The following KIF26B variants were observed in gnomAD, a reference collection of about 807,000 sequenced individuals.
The protein encoded by KIF26B is kinesin-like protein KIF26B.
KIF26B carries 63 observed loss-of-function variants against 151.2 expected under a neutral mutation model. That is an observed-to-expected ratio of 0.42 (90% CI 0.34 to 0.51). The LOEUF (loss-of-function observed/expected upper bound fraction) is 0.51, where lower values mean the gene tolerates loss of function less well. Ranked by LOEUF, KIF26B falls within the 20% of genes least tolerant of loss-of-function variation. KIF26B has a pLI of 0.07. For missense variants in KIF26B, 2,813 were observed against 2,913.6 expected (o/e 0.97, Z 0.79); for synonymous variants, 1,357 against 1,262.1 (o/e 1.08, Z -1.59).
At chr1:245,437,161 A>G (rs549856338) in intron 4 of KIF26B, among the ~76,000 whole-genome samples, 6 of 152,308 alleles carry the variant, frequency 3.9e-5, no homozygotes, top group African/African-American at 1.4e-4. Context: ...TGCTGGGATT[A>G]CAGGCATGAG....
chr1:245,700,749 C>A (rs1038166343), intron 14 of KIF26B, among the ~76,000 whole-genome samples: 1 of 152,222 alleles, frequency 6.6e-6, no homozygotes, highest in African/African-American at 2.4e-5. Flanking sequence ...TGAACTAGTC[C>A]TGCGAGGGCC....
intron 4 of KIF26B, among the ~76,000 whole-genome samples, chr1:245,424,389 C>T (rs1238411210): frequency 2.0e-5 from 3 of 152,188 alleles, no homozygotes; most frequent in African/African-American, 7.2e-5. Flanking sequence ...CTCAAGTGAT[C>T]CACCTGCCTT....
At chr1:245,265,366 A>C (rs1370652740) in intron 2 of KIF26B, among the ~76,000 whole-genome samples, 1 of 152,186 alleles carries the variant, frequency 6.6e-6, no homozygotes, top group Non-Finnish European at 1.5e-5. Flanking sequence ...GGTTATGCAG[A>C]TAAACATTGT....
At chr1:245,157,106 C>T (rs1372471821) in intron 2 of KIF26B, among the ~76,000 whole-genome samples, 2 of 152,212 alleles carry the variant, frequency 1.3e-5, no homozygotes, top group Non-Finnish European at 2.9e-5. Context: ...TGGCATTTCC[C>T]ACTGCCTGTT....
intron 5 of KIF26B, among the ~76,000 whole-genome samples, chr1:245,587,804 T>C (rs1452655174): frequency 1.3e-5 from 2 of 152,164 alleles, no homozygotes; most frequent in Non-Finnish European, 2.9e-5. Flanking sequence ...TCCAACTGCA[T>C]TCTGGTCTTG....
chr1:245,336,586 C>A (rs1553348064), intron 2 of KIF26B, among the ~76,000 whole-genome samples: 1 of 152,170 alleles, frequency 6.6e-6, no homozygotes, highest in African/African-American at 2.4e-5. Context: ...TCTGCAGGCT[C>A]GTGCGGCGGC....
chr1:245,439,732 G>A (rs1659022505), intron 4 of KIF26B, among the ~76,000 whole-genome samples: 1 of 152,204 alleles, frequency 6.6e-6, no homozygotes, highest in South Asian at 2.1e-4. Flanking sequence ...TGAGATGATA[G>A]ACTTGGAGAA....
rs143632836 is a variant in KIF26B at position 245,490,906 on chromosome 1, C to G, written c.1167-49861C>G. On this transcript the variant is annotated intron_variant, in intron 4 of 14. Coordinates refer to ENST00000407071, the MANE Select transcript of KIF26B (RefSeq NM_018012.4). ...TTGTGATTTCCGTGTTTGTGAAATA[C>G]ATTAACTCTCCTTATGGTTGGAGAA... Among the ~76,000 whole-genome samples the G allele has an allele frequency of 6.7e-3, 1,020 of 152,316 alleles. 9 individuals carry two copies. The highest frequency in any genetic ancestry group is 0.023 in the African/African-American group (971 of 41,552).
At chr1:245,612,091 TGTGTGTGTGTGTGTGAGA>T (rs973902672) in intron 9 of KIF26B, 115 bp downstream of exon 9, 248 of 744,774 alleles carry the variant, frequency 3.3e-4, no homozygotes, top group Admixed American at 1.5e-3. Flanking sequence ...TGTGTGTGTG[TGTGTGTGTGTGTGTGAGA>T]GAGAGAGAGA....
At chr1:245,206,680 T>C (rs1320747057) in intron 2 of KIF26B, 1 of 152,220 alleles carries the variant, frequency 6.6e-6, no homozygotes. Context: ...TGCTGTTTAC[T>C]GCAGCCATGC....
At chr1:245,680,557 A>C (rs754952523) in intron 10 of KIF26B, among the ~76,000 whole-genome samples, 3 of 152,050 alleles carry the variant, frequency 2.0e-5, no homozygotes, top group Non-Finnish European at 4.4e-5. Context: ...CGCTATCACG[A>C]TGTTCTCTCT....
chr1:245,541,335 C>T (rs539871437), intron 5 of KIF26B, among the ~76,000 whole-genome samples: 3 of 152,194 alleles, frequency 2.0e-5, no homozygotes, highest in Admixed American at 6.5e-5. Flanking sequence ...GTGACACTTT[C>T]GAGTTTTTGC....
At chr1:245,247,403 A>G (rs1296239258) in intron 2 of KIF26B, among the ~76,000 whole-genome samples, 1 of 152,206 alleles carries the variant, frequency 6.6e-6, no homozygotes, top group Non-Finnish European at 1.5e-5. Context: ...GGTGGCAATC[A>G]GCCGAGATCC....
At chr1:245,334,165 T>C (rs1672177804) in intron 2 of KIF26B, among the ~76,000 whole-genome samples, 1 of 152,156 alleles carries the variant, frequency 6.6e-6, no homozygotes, top group Non-Finnish European at 1.5e-5. Context: ...CTCTCTCTCT[T>C]TTTATTTTTC....
intron 14 of KIF26B, among the ~76,000 whole-genome samples, chr1:245,700,543 C>T (rs1478395773): frequency 6.6e-6 from 1 of 152,064 alleles, no homozygotes; most frequent in Admixed American, 6.5e-5. Flanking sequence ...ACCAAAAATA[C>T]AAAAATTAGC....
chr1:245,654,583 T>A (rs2044053701), intron 10 of KIF26B, among the ~76,000 whole-genome samples: 1 of 152,212 alleles, frequency 6.6e-6, no homozygotes, highest in Non-Finnish European at 1.5e-5. Context: ...ATGGAGCCAC[T>A]TCCCACGCCG....
chr1:245,547,206 C>A (rs925968406), intron 5 of KIF26B, among the ~76,000 whole-genome samples: 1 of 152,188 alleles, frequency 6.6e-6, no homozygotes, highest in African/African-American at 2.4e-5. Context: ...TTAGCACTCC[C>A]CGTTCTTGCA....
rs1218616889 is a variant in KIF26B, at chr1:245,522,009, A to G, written c.1167-18758A>G. 3.3e-5 allele frequency among the ~76,000 whole-genome samples: 5 copies of G among 151,626 alleles called. 1 individual carries two copies. Among genetic ancestry groups the G allele is most frequent in the South Asian group, 4.2e-4 (2 of 4,794 alleles). On this transcript the variant is annotated intron_variant, in intron 4 of 14. Coordinates refer to ENST00000407071, the MANE Select transcript of KIF26B (RefSeq NM_018012.4). ...CTCAGCCTCCCAAGTAGCTGGGACTACAGGCACCCGCCACCATGCCCGGCT... is the reference window on the plus strand; with the variant it reads ...CTCAGCCTCCCAAGTAGCTGGGACTGCAGGCACCCGCCACCATGCCCGGCT...
intron 4 of KIF26B, among the ~76,000 whole-genome samples, chr1:245,537,781 G>A (rs1034871838): frequency 6.6e-6 from 1 of 152,132 alleles, no homozygotes; most frequent in African/African-American, 2.4e-5. Flanking sequence ...TTTTAGGGTT[G>A]GCAAGCTTGA....
Sources: allele counts gnomAD v4.1 joint callset (sites outside exome capture counted in the v4.1 genomes callset), GRCh38; gene constraint gnomAD v4.1.1; transcripts MANE v1.5; gene names NCBI Gene and HGNC (gene_info 2026-07-23, HGNC 2026-07-21).